Variants in SYT1 observed in about 807,000 individuals in gnomAD.
SYT1 encodes the protein synaptotagmin 1.
A neutral mutation model predicts 44.8 loss-of-function variants in SYT1; 8 were observed. The ratio of observed to expected loss-of-function variants is 0.18; its 90% confidence interval spans 0.10 to 0.32. The LOEUF (loss-of-function observed/expected upper bound fraction) is 0.32, where lower values mean the gene tolerates loss of function less well. Among genes scored for constraint, SYT1 ranks in the 10% least tolerant of loss-of-function variants. The pLI is 1.00. For missense variants in SYT1, 286 were observed against 509.3 expected (o/e 0.56, Z 4.22); for synonymous variants, 154 against 188.8 (o/e 0.82, Z 1.51).
At chr12:79,054,023 C>T (rs1391786591) in intron 3 of SYT1, among the ~76,000 whole-genome samples, 1 of 151,992 alleles carries the variant, frequency 6.6e-6, no homozygotes, top group Non-Finnish European at 1.5e-5. Flanking sequence ...TTTGTGTCAG[C>T]TGTTTAGTAG....
At chr12:79,064,124 T>C (rs1281501339) in intron 3 of SYT1, among the ~76,000 whole-genome samples, 1 of 152,052 alleles carries the variant, frequency 6.6e-6, no homozygotes, top group Admixed American at 6.6e-5. Flanking sequence ...TACCAGACCT[T>C]CTGTTAGTGC....
intron 2 of SYT1, chr12:79,036,439 T>C (rs1873139332): frequency 6.6e-6 from 1 of 151,846 alleles, no homozygotes; most frequent in Non-Finnish European, 1.5e-5. Context: ...ATGAGTAGTC[T>C]CAATTATATG....
chr12:79,349,058 G>A (rs12368639), intron 8 of SYT1, among the ~76,000 whole-genome samples: 2,124 of 126,812 alleles, frequency 0.017, 56 homozygotes, highest in African/African-American at 0.059. Flanking sequence ...AGAAAGAAAG[G>A]AGGGAGGGAG....
At chr12:79,436,127 A>T (rs188862417) in intron 9 of SYT1, among the ~76,000 whole-genome samples, 124 of 152,220 alleles carry the variant, frequency 8.1e-4, no homozygotes, top group African/African-American at 3.0e-3. Context: ...ACAATTCAAA[A>T]TCTCTTCCAC....
At chr12:79,046,139 T>C (rs1874037313) in intron 2 of SYT1, among the ~76,000 whole-genome samples, 1 of 152,128 alleles carries the variant, frequency 6.6e-6, no homozygotes, top group African/African-American at 2.4e-5. Context: ...TAAGAAACAG[T>C]TGAGTTTCAA....
chr12:79,045,341 C>G (rs370045935), intron 2 of SYT1, among the ~76,000 whole-genome samples: 2 of 144,490 alleles, frequency 1.4e-5, no homozygotes, highest in African/African-American at 2.9e-5. Flanking sequence ...TTTTTTAAGC[C>G]GGTCGGAAAA....
chr12:79,302,771 G>A (rs574642648), intron 8 of SYT1, among the ~76,000 whole-genome samples: 3 of 152,146 alleles, frequency 2.0e-5, no homozygotes, highest in African/African-American at 4.8e-5. Context: ...AGTGATGCAC[G>A]GTCGACTACT....
intron 9 of SYT1, among the ~76,000 whole-genome samples, chr12:79,357,160 T>G (rs1037537189): frequency 6.6e-6 from 1 of 152,256 alleles, no homozygotes; most frequent in African/African-American, 2.4e-5. Flanking sequence ...TCATTCAAAA[T>G]GCATTGCACA....
In SYT1 at chr12:78,891,282, A is replaced by T. The variant is rs190162646; in HGVS notation, c.-217+26173A>T. Among the ~76,000 whole-genome samples the T allele has an allele frequency of 1.1e-4, 16 of 152,018 alleles. No individual in the cohort carries two copies. The East Asian group carries it at 2.9e-3, about 28-fold the overall frequency. The stretch of plus-strand genomic sequence containing the variant: ...TTTCTCATTTACTAATCATAGCAAC[A>T]CTATTATATATTATCATCCACATTT... On this transcript the variant is annotated intron_variant, in intron 1 of 10. Transcript: ENST00000261205.
intron 2 of SYT1, among the ~76,000 whole-genome samples, chr12:79,038,072 G>T (rs946736920): frequency 6.6e-6 from 1 of 151,202 alleles, no homozygotes; most frequent in Admixed American, 6.6e-5. Flanking sequence ...GATAGTACAG[G>T]TTCTCATATG....
At chr12:79,362,519 A>G (rs530878069) in intron 9 of SYT1, among the ~76,000 whole-genome samples, 1 of 152,274 alleles carries the variant, frequency 6.6e-6, no homozygotes, top group East Asian at 1.9e-4. Flanking sequence ...GAGCTCATTC[A>G]TGTGTACAAC....
intron 3 of SYT1, among the ~76,000 whole-genome samples, chr12:79,057,195 C>T (rs1030318600): frequency 6.6e-6 from 1 of 151,964 alleles, no homozygotes; most frequent in East Asian, 1.9e-4. Flanking sequence ...AAATCTGGTT[C>T]AGCATATGCT....
At chr12:78,953,735 G>A (rs1188007417) in intron 1 of SYT1, among the ~76,000 whole-genome samples, 1 of 151,992 alleles carries the variant, frequency 6.6e-6, no homozygotes, top group Non-Finnish European at 1.5e-5. Flanking sequence ...AAAATATTTA[G>A]AAAGAAAGAA....
At chr12:79,297,636 A>G (rs1486291031) in intron 7 of SYT1, among the ~76,000 whole-genome samples, 1 of 152,122 alleles carries the variant, frequency 6.6e-6, no homozygotes, top group East Asian at 1.9e-4. Flanking sequence ...ATCAAGTTTC[A>G]TTTTATTTCA....
intron 3 of SYT1, among the ~76,000 whole-genome samples, chr12:79,075,691 A>C (rs1876594014): frequency 6.6e-6 from 1 of 152,130 alleles, no homozygotes; most frequent in Admixed American, 6.6e-5. Context: ...TTTGTGATAC[A>C]ACTATTCATC....
In SYT1 at chr12:78,941,045, CTTTTTTTTTCT is replaced by C. The variant is rs1300490964; in HGVS notation, c.-216-36745_-216-36735del. On this transcript the variant is annotated intron_variant, in intron 1 of 10. Transcript: ENST00000261205. ...TCTTTTTTTCTTTTTCTTTTCTTTACTTTTTTTTTCTTTTTTTTTCTTTTTTTTTTTTTTTT... is the reference window on the plus strand; with the variant it reads ...TCTTTTTTTCTTTTTCTTTTCTTTACTTTTTTTTCTTTTTTTTTTTTTTTT... 4.5e-4 allele frequency among the ~76,000 whole-genome samples: 39 copies of C among 87,292 alleles called. No individual in the cohort carries two copies. The East Asian group carries it at 0.017, about 38-fold the overall frequency. The allele number at this position is 87,292 out of a possible 152,430, so 57.3% of individuals were successfully genotyped here.
At chr12:78,968,001 G>T (rs976082251) in intron 1 of SYT1, among the ~76,000 whole-genome samples, 1 of 152,108 alleles carries the variant, frequency 6.6e-6, no homozygotes, top group Non-Finnish European at 1.5e-5. Context: ...TGACAACCAG[G>T]ACTTTTGTGA....
intron 4 of SYT1, among the ~76,000 whole-genome samples, chr12:79,251,572 C>A (rs1225999742): frequency 6.6e-6 from 1 of 152,096 alleles, no homozygotes; most frequent in Non-Finnish European, 1.5e-5. Flanking sequence ...TATGGATAAC[C>A]ACACTCTGTA....
At chr12:79,323,135 C>CTTTTTTTT (rs1881447167) in intron 8 of SYT1, among the ~76,000 whole-genome samples, 1 of 147,924 alleles carries the variant, frequency 6.8e-6, no homozygotes. Context: ...TTTTTTTTCA[C>CTTTTTTTT]TTCTAATCTC....
Sources: allele counts gnomAD v4.1 joint callset (sites outside exome capture counted in the v4.1 genomes callset), GRCh38; gene constraint gnomAD v4.1.1; transcripts MANE v1.5; gene names NCBI Gene and HGNC (gene_info 2026-07-23, HGNC 2026-07-21).